The following FSHR variants were observed in gnomAD, a reference collection of about 807,000 sequenced individuals.
FSHR encodes follicle-stimulating hormone receptor.
FSHR carries 46 observed loss-of-function variants against 52.1 expected under a neutral mutation model. The ratio of observed to expected loss-of-function variants is 0.88; its 90% CI spans 0.70 to 1.13. The LOEUF (loss-of-function observed/expected upper bound fraction) is 1.13. FSHR is among the 50% of genes most tolerant of loss of function. The pLI is 0.00. For synonymous variants in FSHR, 399 were observed against 309.6 expected (o/e 1.29, Z -3.03); for missense variants, 964 against 834.6 (o/e 1.16, Z -1.91).
At chr2:48,981,320 C>T (rs978426442) in intron 8 of FSHR, among the ~76,000 whole-genome samples, 1 of 152,182 alleles carries the variant, frequency 6.6e-6, no homozygotes, top group African/African-American at 2.4e-5. Flanking sequence ...TGAGGAGGAA[C>T]TTTCCTTTGT....
chr2:49,149,933 G>T (rs1319129624), intron 1 of FSHR, among the ~76,000 whole-genome samples: 1 of 152,022 alleles, frequency 6.6e-6, no homozygotes, highest in Non-Finnish European at 1.5e-5. Context: ...AGACAAGAAT[G>T]ACCATCAATA....
chr2:49,141,484 C>G (rs746058995), intron 1 of FSHR, among the ~76,000 whole-genome samples: 3 of 152,064 alleles, frequency 2.0e-5, no homozygotes, highest in Non-Finnish European at 4.4e-5. Context: ...TTTACAACAA[C>G]AGGAGTTCAC....
chr2:49,034,194 C>CCCAGTTATT (rs1351631177), intron 2 of FSHR, among the ~76,000 whole-genome samples: 4 of 152,294 alleles, frequency 2.6e-5, no homozygotes, highest in Admixed American at 2.6e-4. Context: ...TCTCCCCTTC[C>CCCAGTTATT]CCAGTTATTC....
chr2:48,976,246 T>A (rs1674982817), intron 8 of FSHR, among the ~76,000 whole-genome samples: 2 of 152,214 alleles, frequency 1.3e-5, no homozygotes, highest in South Asian at 4.2e-4. Context: ...GAGATAATCA[T>A]ATGGTTTTTG....
At chr2:48,981,669 G>C (rs899821839) in intron 8 of FSHR, among the ~76,000 whole-genome samples, 2 of 152,094 alleles carry the variant, frequency 1.3e-5, no homozygotes, top group East Asian at 3.9e-4. Flanking sequence ...CTCATATATA[G>C]ATCACAACAC....
At chr2:49,126,325 G>A (rs1572778405) in intron 1 of FSHR, among the ~76,000 whole-genome samples, 1 of 150,806 alleles carries the variant, frequency 6.6e-6, no homozygotes, top group Non-Finnish European at 1.5e-5. Context: ...AAAAGGAAGA[G>A]GGGGGGAGAG....
chr2:48,985,695 A>G (rs1209694865), intron 6 of FSHR, among the ~76,000 whole-genome samples: 5 of 135,520 alleles, frequency 3.7e-5, no homozygotes, highest in Non-Finnish European at 7.7e-5. Context: ...GAGCAAGTAC[A>G]GGTTTTTTTT....
At position 49,001,423 on chromosome 2, in the gene FSHR, T is replaced by C. The variant is rs190754831; in HGVS notation, c.375-10786A>G. 1.6e-3 allele frequency among the ~76,000 whole-genome samples: 241 copies of C among 152,214 alleles called. 1 individual carries two copies. Among genetic ancestry groups the C allele is most frequent in the African/African-American group, 5.4e-3 (225 of 41,542 alleles). ...TACTGCATTGGCTGTATAAGAACTT[T>C]TAAAACCTAAAGATATCTCTAGGTG... On this transcript the variant is annotated intron_variant, in intron 4 of 9. Transcript: ENST00000406846.
chr2:49,127,819 TC>T (rs1558456528), intron 1 of FSHR, among the ~76,000 whole-genome samples: 1,738 of 72,150 alleles, frequency 0.024, 138 homozygotes, highest in Middle Eastern at 0.037. Context: ...TTCTTCTTCT[TC>T]TTCTTCTTCC....
chr2:49,135,115 C>T (rs181206297), intron 1 of FSHR, among the ~76,000 whole-genome samples: 7 of 152,060 alleles, frequency 4.6e-5, no homozygotes, highest in African/African-American at 1.7e-4. Context: ...ATCAACTAGA[C>T]CTAACAGACA....
At chr2:49,020,752 A>G (rs943448616) in intron 2 of FSHR, among the ~76,000 whole-genome samples, 7 of 152,346 alleles carry the variant, frequency 4.6e-5, no homozygotes, top group Middle Eastern at 3.4e-3. Flanking sequence ...CTCTCTGCTA[A>G]TCTGGCTTTG....
intron 2 of FSHR, among the ~76,000 whole-genome samples, chr2:49,040,717 G>C (rs1048560398): frequency 6.6e-6 from 1 of 152,100 alleles, no homozygotes; most frequent in Non-Finnish European, 1.5e-5. Flanking sequence ...CAGCAGGGAG[G>C]GTCCTTGAAG....
rs542112132 is a variant in FSHR at position 49,081,590 on chromosome 2, A to T, written c.153-13300T>A. Reference sequence around the variant, plus strand: ...CATCACACCATTCTTGTCAGATAGTACCTTTACCTCCCCATAAAGTGCCTG... The same window carrying T: ...CATCACACCATTCTTGTCAGATAGTTCCTTTACCTCCCCATAAAGTGCCTG... On this transcript the variant is annotated intron_variant, in intron 1 of 9. Coordinates refer to ENST00000406846, the MANE Select transcript of FSHR (RefSeq NM_000145.4). Among the ~76,000 whole-genome samples, 10 of 152,298 alleles carry T rather than the reference A, an allele frequency of 6.6e-5. No homozygotes were observed. The South Asian group carries it at 2.1e-3, about 32-fold the overall frequency.
intron 1 of FSHR, among the ~76,000 whole-genome samples, chr2:49,134,032 C>T (rs1449026934): frequency 6.6e-6 from 1 of 152,096 alleles, no homozygotes; most frequent in African/African-American, 2.4e-5. Flanking sequence ...ACTAAAACAC[C>T]AAAAGCGATG....
chr2:49,028,403 T>A (rs1667983147), intron 2 of FSHR, among the ~76,000 whole-genome samples: 1 of 152,222 alleles, frequency 6.6e-6, no homozygotes, highest in South Asian at 2.1e-4. Context: ...CAGACAGGTC[T>A]AGATTCAAAT....
intron 3 of FSHR, among the ~76,000 whole-genome samples, chr2:49,018,306 G>A (rs2104214006): frequency 6.6e-6 from 1 of 152,244 alleles, no homozygotes; most frequent in Non-Finnish European, 1.5e-5. Context: ...GTTCACATTT[G>A]GATTCCAACA....
At position 49,079,838 on chromosome 2, in the gene FSHR, G is replaced by A. The variant is rs538329590; in HGVS notation, c.153-11548C>T. Among the ~76,000 whole-genome samples, 197 of 151,722 alleles carry A rather than the reference G, an allele frequency of 1.3e-3. 1 individual carries two copies. The highest frequency in any genetic ancestry group is 3.6e-3 in the African/African-American group (150 of 41,374). Reference sequence around the variant, plus strand: ...TTTTAAAAAAACACACAAAAATCCCGCACTAAAATTGAAAAATTAATAAAT... The same window carrying A: ...TTTTAAAAAAACACACAAAAATCCCACACTAAAATTGAAAAATTAATAAAT... On this transcript the variant is annotated intron_variant, in intron 1 of 9. Transcript: ENST00000406846.
chr2:49,068,314 T>C (rs751641901), intron 1 of FSHR, 24 bp from the exon 2 acceptor site: 32 of 1,569,340 alleles, frequency 2.0e-5, no homozygotes, highest in Non-Finnish European at 2.8e-5. Context: ...AGAAATAAAA[T>C]ATCACAACCT....
At chr2:49,089,230 T>G (rs1361981313) in intron 1 of FSHR, among the ~76,000 whole-genome samples, 1 of 152,132 alleles carries the variant, frequency 6.6e-6, no homozygotes, top group Non-Finnish European at 1.5e-5. Flanking sequence ...GGGAGAAAGA[T>G]TCCCTGAAAA....
Sources: gnomAD v4.1 joint callset for allele counts (sites outside exome capture counted in the v4.1 genomes callset) on GRCh38, gnomAD v4.1.1 for gene constraint, MANE v1.5 for transcripts, NCBI Gene and HGNC (gene_info 2026-07-23, HGNC 2026-07-21) for gene names.